FHIT: variants seen among roughly 807,000 people sequenced by gnomAD.
FHIT encodes the protein fragile histidine triad diadenosine triphosphatase.
FHIT carries 19 observed loss-of-function variants against 17.9 expected under a neutral mutation model. That is an observed-to-expected ratio of 1.06 (90% CI 0.74 to 1.56). The LOEUF (loss-of-function observed/expected upper bound fraction) is 1.56. Among genes scored for constraint, FHIT ranks in the 40% most tolerant of loss-of-function variants. The pLI is 0.00. For synonymous variants in FHIT, 81 were observed against 69.7 expected, an observed-to-expected ratio of 1.16 and a Z score of -0.81; for missense variants, 248 against 189.2, an observed-to-expected ratio of 1.31 and a Z score of -1.82.
intron 5 of FHIT, among the ~76,000 whole-genome samples, chr3:60,149,149 G>A (rs1034560254): frequency 6.6e-6 from 1 of 152,188 alleles, no homozygotes; most frequent in African/African-American, 2.4e-5. Flanking sequence ...ACTGGTGTCA[G>A]AAATTAAATA....
chr3:60,433,719 T>C (rs2029944953), intron 5 of FHIT, among the ~76,000 whole-genome samples: 1 of 152,130 alleles, frequency 6.6e-6, no homozygotes, highest in African/African-American at 2.4e-5. Context: ...GCATGTTTCT[T>C]TGGAGAAATT....
intron 2 of FHIT, among the ~76,000 whole-genome samples, chr3:61,120,115 T>A (rs1413565027): frequency 6.6e-6 from 1 of 152,206 alleles, no homozygotes; most frequent in Non-Finnish European, 1.5e-5. Context: ...TGGGTTCAAT[T>A]CTTCACTGTC....
chr3:60,921,705 A>G (rs1241865704), intron 3 of FHIT, among the ~76,000 whole-genome samples: 1 of 107,696 alleles, frequency 9.3e-6, no homozygotes, highest in Non-Finnish European at 1.9e-5. Flanking sequence ...TTCATTCCTT[A>G]CACTTACTAG....
chr3:60,599,836 G>C (rs2038388328), intron 4 of FHIT, among the ~76,000 whole-genome samples: 1 of 151,932 alleles, frequency 6.6e-6, no homozygotes, highest in Admixed American at 6.6e-5. Flanking sequence ...CCTTTCTTTA[G>C]GGCAGGAGTT....
intron 5 of FHIT, among the ~76,000 whole-genome samples, chr3:60,104,877 G>A (rs934519609): frequency 2.0e-4 from 31 of 152,182 alleles, no homozygotes; most frequent in African/African-American, 7.2e-4. Context: ...AGAAAGGAGG[G>A]CAGTGTTTCT....
At chr3:60,654,257 C>A (rs1553689054) in intron 4 of FHIT, among the ~76,000 whole-genome samples, 3 of 152,200 alleles carry the variant, frequency 2.0e-5, no homozygotes, top group East Asian at 1.9e-4. Flanking sequence ...GTATTTATAG[C>A]AATGCAAAAA....
At chr3:60,442,125 A>C (rs2030937284) in intron 5 of FHIT, among the ~76,000 whole-genome samples, 1 of 151,768 alleles carries the variant, frequency 6.6e-6, no homozygotes, top group South Asian at 2.1e-4. Context: ...CTCCCAAAGC[A>C]CTGGGATTGC....
intron 3 of FHIT, among the ~76,000 whole-genome samples, chr3:60,905,683 A>T (rs1161760144): frequency 6.6e-6 from 1 of 152,222 alleles, no homozygotes; most frequent in African/African-American, 2.4e-5. Flanking sequence ...TCTTTATAAA[A>T]TTATATGAAA....
chr3:59,966,830 T>C (rs1190565904), intron 7 of FHIT, among the ~76,000 whole-genome samples: 3 of 152,136 alleles, frequency 2.0e-5, no homozygotes, highest in Non-Finnish European at 2.9e-5. Context: ...GTACACTGTA[T>C]ACTTAGGCTA....
rs184515271 is a variant in FHIT, at chr3:60,636,205, G to A, written c.-17-99226C>T. Among the ~76,000 whole-genome samples the A allele has an allele frequency of 7.6e-4, 115 of 152,148 alleles. 1 individual carries two copies. Among genetic ancestry groups the A allele is most frequent in the South Asian group, 5.6e-3 (27 of 4,810 alleles). Reference sequence around the variant, plus strand: ...CCTGCTTCAGCCTCCAGAGTAGCTGGAACTACAGGCATGCACCACCACGCC... The same window carrying A: ...CCTGCTTCAGCCTCCAGAGTAGCTGAAACTACAGGCATGCACCACCACGCC... On this transcript the variant is annotated intron_variant, in intron 4 of 9. Coordinates refer to ENST00000492590, the MANE Select transcript of FHIT (RefSeq NM_002012.4).
intron 4 of FHIT, among the ~76,000 whole-genome samples, chr3:60,593,691 T>C (rs1559565416): frequency 6.6e-6 from 1 of 152,264 alleles, no homozygotes; most frequent in South Asian, 2.1e-4. Context: ...TCCATTCTAT[T>C]GATCTCTCCT....
intron 3 of FHIT, among the ~76,000 whole-genome samples, chr3:60,833,386 T>C (rs1417043679): frequency 1.3e-5 from 2 of 152,202 alleles, no homozygotes; most frequent in East Asian, 3.8e-4. Context: ...TTAATATTCC[T>C]TCATTCCCAC....
intron 5 of FHIT, among the ~76,000 whole-genome samples, chr3:60,130,789 G>GTATATATA (rs1395189482): frequency 7.4e-6 from 1 of 135,996 alleles, no homozygotes; most frequent in Non-Finnish European, 1.6e-5. Context: ...TGTGTGGTGT[G>GTATATATA]TATATACACA....
At chr3:60,086,817 T>G (rs73093973) in intron 5 of FHIT, among the ~76,000 whole-genome samples, 15,215 of 152,178 alleles carry the variant, frequency 0.1, 1,711 homozygotes, top group East Asian at 0.51. Flanking sequence ...TTGGTTGGAG[T>G]TGAATGCCTG....
intron 5 of FHIT, among the ~76,000 whole-genome samples, chr3:60,278,347 A>G (rs1274865700): frequency 6.6e-6 from 1 of 152,174 alleles, no homozygotes; most frequent in Admixed American, 6.5e-5. Context: ...GTTCTATCTG[A>G]CTTGGGAGAA....
At chr3:60,881,171 T>A (rs1704958875) in intron 3 of FHIT, among the ~76,000 whole-genome samples, 1 of 152,088 alleles carries the variant, frequency 6.6e-6, no homozygotes, top group Non-Finnish European at 1.5e-5. Flanking sequence ...AAAACAGACT[T>A]TAAGTGAAAA....
intron 5 of FHIT, among the ~76,000 whole-genome samples, chr3:60,268,016 T>C (rs935526316): frequency 1.3e-5 from 2 of 152,200 alleles, no homozygotes; most frequent in Non-Finnish European, 2.9e-5. Context: ...GTAGGTTTTG[T>C]ATCTTACTGA....
intron 3 of FHIT, among the ~76,000 whole-genome samples, chr3:60,874,945 T>C (rs1349433896): frequency 1.3e-5 from 2 of 152,162 alleles, no homozygotes; most frequent in African/African-American, 4.8e-5. Flanking sequence ...TTGTCACCTA[T>C]AAAATAAATA....
rs934870028 is a variant in FHIT, at chr3:60,932,000, A to T, written c.-110-109989T>A. Among the ~76,000 whole-genome samples, 18 of 152,094 alleles carry T rather than the reference A, an allele frequency of 1.2e-4. 1 individual carries two copies. The highest frequency in any genetic ancestry group is 1.2e-3 in the Admixed American group (18 of 15,284). On this transcript the variant is annotated intron_variant, in intron 3 of 9. Transcript: ENST00000492590. ...ACGGCTACCTCACTAGGGTGTAGAG[A>T]ACTTTTCAAGTCTAAATATAAGGTC... is the stretch of plus-strand genomic sequence containing the variant.
Sources: allele counts gnomAD v4.1 joint callset (sites outside exome capture counted in the v4.1 genomes callset), GRCh38; gene constraint gnomAD v4.1.1; transcripts MANE v1.5; gene names NCBI Gene and HGNC (gene_info 2026-07-23, HGNC 2026-07-21).